The following CPNE8 variants were observed in gnomAD, a reference collection of about 807,000 sequenced individuals.
CPNE8 encodes the protein copine 8.
In CPNE8, 45 loss-of-function variants were observed where a neutral mutation model predicts 81.5. That is an observed-to-expected ratio of 0.55 (90% CI 0.44 to 0.71). CPNE8 has a LOEUF of 0.71. Among genes scored for constraint, CPNE8 ranks in the 30% least tolerant of loss-of-function variants. The pLI, the probability that CPNE8 is intolerant of heterozygous loss-of-function variation, is 0.00. For synonymous variants in CPNE8, 252 were observed against 226.3 expected (o/e 1.11, Z -1.02); for missense variants, 594 against 672.1 (o/e 0.88, Z 1.28).
chr12:38,656,710 A>C (rs1179420271), intron 19 of CPNE8, among the ~76,000 whole-genome samples: 1 of 152,208 alleles, frequency 6.6e-6, no homozygotes. Flanking sequence ...CTTTTAAAGA[A>C]CTAACACAAA....
intron 19 of CPNE8, among the ~76,000 whole-genome samples, chr12:38,661,279 T>C (rs1338256701): frequency 7.9e-5 from 12 of 151,980 alleles, no homozygotes; most frequent in Admixed American, 6.6e-5. Flanking sequence ...TATGCAACCA[T>C]AAAAAAGGAT....
chr12:38,850,643 TG>T lies in CPNE8; in HGVS notation c.187-1982del, dbSNP rs561031851. Among the ~76,000 whole-genome samples the T allele has an allele frequency of 3.3e-5, 5 of 152,320 alleles. No individual in the cohort carries two copies. In the East Asian group the frequency reaches 9.7e-4, roughly 29 times the overall value. On this transcript the variant is annotated intron_variant, in intron 3 of 19. Transcript: ENST00000331366. Reference sequence around the variant, plus strand: ...GTGACCTTCATATTGCTAAATCCAGTGGTCACTTCTGGCCCTCATCTTGCCA... The same window carrying T: ...GTGACCTTCATATTGCTAAATCCAGTGTCACTTCTGGCCCTCATCTTGCCA...
chr12:38,732,424 C>T (rs1271094690), intron 10 of CPNE8, among the ~76,000 whole-genome samples: 1 of 151,912 alleles, frequency 6.6e-6, no homozygotes, highest in Admixed American at 6.6e-5. Flanking sequence ...AACTTTGAAG[C>T]AGTTCTTTGA....
intron 6 of CPNE8, among the ~76,000 whole-genome samples, chr12:38,808,421 G>C (rs972574797): frequency 2.0e-5 from 3 of 151,944 alleles, no homozygotes; most frequent in African/African-American, 7.3e-5. Flanking sequence ...ATACTATGCA[G>C]CCATAAAAAA....
chr12:38,766,996 A>T (rs2136866994), intron 8 of CPNE8, among the ~76,000 whole-genome samples: 1 of 152,260 alleles, frequency 6.6e-6, no homozygotes, highest in East Asian at 1.9e-4. Context: ...TAGCAAGGTT[A>T]TTATTTAAAT....
chr12:38,784,910 C>T (rs537876918), intron 6 of CPNE8, among the ~76,000 whole-genome samples: 4 of 152,096 alleles, frequency 2.6e-5, no homozygotes, highest in Admixed American at 6.5e-5. Flanking sequence ...AAGAAAAGGA[C>T]CTTGCCTGGT....
intron 11 of CPNE8, chr12:38,726,589 A>G (rs1008786323): frequency 3.9e-5 from 6 of 152,234 alleles, no homozygotes; most frequent in African/African-American, 1.4e-4. Flanking sequence ...TTGAGGAACA[A>G]GCACTCTGAA....
chr12:38,734,991 G>A (rs552283136), intron 10 of CPNE8, among the ~76,000 whole-genome samples: 3 of 152,196 alleles, frequency 2.0e-5, no homozygotes, highest in South Asian at 4.1e-4. Flanking sequence ...ACATGTTTCA[G>A]ATATGTATCA....
At position 38,840,472 on chromosome 12, in the gene CPNE8, C is replaced by T. The variant is rs187443123; in HGVS notation, c.291-517G>A. Among the ~76,000 whole-genome samples the T allele has an allele frequency of 1.7e-4, 26 of 152,092 alleles. No individual in the cohort carries two copies. In the East Asian group the frequency reaches 4.4e-3, roughly 26 times the overall value. ...CTGGGGGAACCTAGGTAAAGGATAC[C>T]CAAGTCTCTCTGTATAATTCCTGTA... is the stretch of plus-strand genomic sequence containing the variant. On this transcript the variant is annotated intron_variant, in intron 4 of 19. Coordinates refer to ENST00000331366, the MANE Select transcript of CPNE8 (RefSeq NM_153634.3).
At chr12:38,674,614 C>A (rs1241363342) in intron 18 of CPNE8, among the ~76,000 whole-genome samples, 1 of 152,050 alleles carries the variant, frequency 6.6e-6, no homozygotes, top group African/African-American at 2.4e-5. Context: ...GAGAAAATAA[C>A]AGGAGAAGCA....
intron 14 of CPNE8, among the ~76,000 whole-genome samples, chr12:38,699,921 C>T (rs764855244): frequency 2.0e-5 from 3 of 152,080 alleles, no homozygotes; most frequent in Non-Finnish European, 2.9e-5. Context: ...ATCTTCTATC[C>T]TGCAAACTTG....
In CPNE8 at chr12:38,653,930, C is replaced by A. The variant is rs181331897; in HGVS notation, c.1647G>T (p.Ala549=). The A allele has an allele frequency of 1.7e-5, 28 of 1,613,370 alleles. 1 individual carries two copies. In the Middle Eastern group the frequency reaches 5.2e-4, roughly 30 times the overall value. Residue 549 remains alanine, a synonymous_variant, in exon 20 of 20, where the codon GCG becomes GCT. Coordinates refer to ENST00000331366, the MANE Select transcript of CPNE8 (RefSeq NM_153634.3). ...GTGTAGGTGGGGTGTATGGGGGAGG[C>A]GCAGGTGATGGCTTGATTCCTCGGG... ...MRARGIKPSP[A]PPPYTPPTHV... is the part of the protein sequence containing the mutation.
intron 11 of CPNE8, chr12:38,726,350 A>T (rs1432822084): frequency 6.6e-6 from 1 of 152,152 alleles, no homozygotes; most frequent in East Asian, 1.9e-4. Flanking sequence ...GAAATTGGTC[A>T]TCCATTCATT....
chr12:38,902,229 G>C (rs1049632902), intron 1 of CPNE8, among the ~76,000 whole-genome samples: 2 of 108,578 alleles, frequency 1.8e-5, no homozygotes, highest in African/African-American at 9.8e-5. Flanking sequence ...GAAAGAGAAA[G>C]AAGGAAAGAA....
At chr12:38,851,080 C>T (rs1015145381) in intron 3 of CPNE8, among the ~76,000 whole-genome samples, 1 of 152,170 alleles carries the variant, frequency 6.6e-6, no homozygotes, top group Non-Finnish European at 1.5e-5. Context: ...TCACCAGATG[C>T]CAGCGCCTTG....
chr12:38,776,171 A>G, intron 7 of CPNE8, 67 bp downstream of exon 7: 1 of 737,094 alleles, frequency 1.4e-6, no homozygotes, highest in Non-Finnish European at 2.1e-6. Context: ...TAATTAGTTA[A>G]GTACAATTTT....
chr12:38,849,633 A>C (rs1204358483), intron 3 of CPNE8, among the ~76,000 whole-genome samples: 1 of 152,206 alleles, frequency 6.6e-6, no homozygotes, highest in East Asian at 1.9e-4. Flanking sequence ...TTGATGACAT[A>C]GGATTTACTA....
At chr12:38,759,687 G>A (rs1015373601) in intron 10 of CPNE8, among the ~76,000 whole-genome samples, 1 of 152,104 alleles carries the variant, frequency 6.6e-6, no homozygotes, top group Admixed American at 6.5e-5. Context: ...CTAAAGTGTA[G>A]AATAATAATC....
intron 1 of CPNE8, among the ~76,000 whole-genome samples, chr12:38,902,692 T>C (rs187627050): frequency 6.6e-6 from 1 of 152,364 alleles, no homozygotes; most frequent in Admixed American, 6.5e-5. Flanking sequence ...GGTATCCCAA[T>C]GCTGGTTCTA....
Sources: allele counts gnomAD v4.1 joint callset (sites outside exome capture counted in the v4.1 genomes callset), GRCh38; gene constraint gnomAD v4.1.1; transcripts MANE v1.5; gene names NCBI Gene and HGNC (gene_info 2026-07-23, HGNC 2026-07-21).